The following CCDC85C variants were observed in gnomAD, a reference collection of about 807,000 sequenced individuals.
The protein encoded by CCDC85C is coiled-coil domain-containing protein 85C.
CCDC85C carries 18 observed loss-of-function variants against 38.3 expected under a neutral mutation model. The ratio of observed to expected loss-of-function variants is 0.47; its 90% CI spans 0.33 to 0.70. The LOEUF is 0.70. Ranked by LOEUF, CCDC85C falls within the 30% of genes least tolerant of loss-of-function variation. The probability of loss-of-function intolerance (pLI) is 0.03; values close to 1 mark genes in which losing one functional copy is unlikely to be tolerated. For synonymous variants in CCDC85C, 264 were observed against 293.8 expected (o/e 0.90, Z 1.04); for missense variants, 566 against 621.2 (o/e 0.91, Z 0.94).
chr14:99,516,175 CT>C lies in CCDC85C; in HGVS notation c.1170+12del. The stretch of plus-strand genomic sequence containing the variant: ...AGTGCCAAGCCTCTGCCCCCCACCC[CT>C]GGAAGCCTCACGTTGCACATCTCGC... On this transcript the variant is annotated intron_variant, in intron 5 of 5. Coordinates refer to ENST00000380243, the MANE Select transcript of CCDC85C (RefSeq NM_001144995.2). The surrounding 1 kb of genome is among the most constrained non-coding windows in gnomAD (Gnocchi z 5.5). 6.5e-7 allele frequency: 1 copy of C among 1,549,488 alleles called. No individual in the cohort carries two copies. The highest frequency in any genetic ancestry group is 1.2e-5 in the South Asian group (1 of 84,038).
chr14:99,564,744 A>T (rs1002810789), intron 1 of CCDC85C, among the ~76,000 whole-genome samples: 25 of 152,176 alleles, frequency 1.6e-4, no homozygotes, highest in Non-Finnish European at 1.8e-4. Flanking sequence ...CAACAGCAGG[A>T]ACAACATCCA....
chr14:99,594,267 C>T (rs961898266), intron 1 of CCDC85C, among the ~76,000 whole-genome samples: 1 of 152,204 alleles, frequency 6.6e-6, no homozygotes, highest in African/African-American at 2.4e-5. Flanking sequence ...CCCAGCAAAC[C>T]TGCACCAGGA....
chr14:99,578,798 G>A (rs1040333374), intron 1 of CCDC85C, among the ~76,000 whole-genome samples: 1 of 152,164 alleles, frequency 6.6e-6, no homozygotes, highest in Non-Finnish European at 1.5e-5. Flanking sequence ...CCCCTTCCAA[G>A]ACCGGAGCTG....
At position 99,588,032 on chromosome 14, in the gene CCDC85C, G is replaced by C. The variant is rs80080540; in HGVS notation, c.793+15135C>G. Among the ~76,000 whole-genome samples the C allele has an allele frequency of 0.22, 33,182 of 152,066 alleles. 4,069 individuals are homozygous for C. The highest frequency in any genetic ancestry group is 0.34 in the East Asian group (1,723 of 5,128). On this transcript the variant is annotated intron_variant, in intron 1 of 5. Coordinates refer to ENST00000380243, the MANE Select transcript of CCDC85C (RefSeq NM_001144995.2). The surrounding 1 kb of genome is among the most constrained non-coding windows in gnomAD (Gnocchi z 5.0). ...CCTTCCAGCTCGCCTGTGCCTGCCA[G>C]CCCTCACTTGAATCCCCTTCCACAC... is the stretch of plus-strand genomic sequence containing the variant.
chr14:99,582,683 G>A (rs560442251), intron 1 of CCDC85C, among the ~76,000 whole-genome samples: 28 of 152,196 alleles, frequency 1.8e-4, no homozygotes, highest in African/African-American at 4.8e-4. Flanking sequence ...GTGTGGTGGC[G>A]CACGCCTGTA....
In CCDC85C at chr14:99,504,132, A is replaced by G. The variant is rs1213372859; in HGVS notation, c.*11114T>C. On this transcript the variant is annotated 3_prime_UTR_variant, in exon 6 of 6. Transcript: ENST00000380243. ...GGTGCTGTCACATGTCTAGAACCCAAAGTTAGTTCATGTCAATATTGGAAA... is the reference window on the plus strand; with the variant it reads ...GGTGCTGTCACATGTCTAGAACCCAGAGTTAGTTCATGTCAATATTGGAAA... 6.4e-6 allele frequency: 2 copies of G among 314,290 alleles called. No individual in the cohort carries two copies. The highest frequency in any genetic ancestry group is 2.3e-5 in the African/African-American group (1 of 43,884). The allele number at this position is 314,290 out of a possible 1,614,324, so 19.5% of individuals were successfully genotyped here. A position where few individuals can be genotyped will look rare whatever the true frequency, so the allele number is the denominator to read the frequency against.
intron 1 of CCDC85C, among the ~76,000 whole-genome samples, chr14:99,591,607 C>T (rs533411259): frequency 2.8e-4 from 43 of 152,250 alleles, no homozygotes; most frequent in Non-Finnish European, 4.6e-4. Flanking sequence ...GCCTTCTGCA[C>T]AGCAAGTGGT....
chr14:99,518,194 G>A (rs567654114), intron 3 of CCDC85C, among the ~76,000 whole-genome samples: 15 of 152,190 alleles, frequency 9.9e-5, no homozygotes, highest in African/African-American at 3.4e-4. Context: ...TGGGTTCTGC[G>A]ACCCTCAGGA....
In CCDC85C at chr14:99,544,951, G is replaced by A. The variant is rs1358880162; in HGVS notation, c.794-8863C>T. ...ATGCAAAAACGGAGCTGCCATGACC[G>A]GAGCCCCACACTCTCCATCTCACAC... is the stretch of plus-strand genomic sequence containing the variant. On this transcript the variant is annotated intron_variant, in intron 1 of 5. Transcript: ENST00000380243. This position sits in a 1 kb window ranked among gnomAD's most constrained non-coding sequence, Gnocchi z 5.3. Among the ~76,000 whole-genome samples the A allele has an allele frequency of 1.3e-5, 2 of 152,066 alleles. No homozygotes were observed. The highest frequency in any genetic ancestry group is 2.9e-5 in the Non-Finnish European group (2 of 68,022).
chr14:99,580,273 T>C (rs1233649863), intron 1 of CCDC85C: 1 of 384,126 alleles, frequency 2.6e-6, no homozygotes, highest in African/African-American at 2.1e-5. Context: ...AGCTAAGATA[T>C]AGTGCTGTCC....
rs988494564 is a variant in CCDC85C at position 99,533,842 on chromosome 14, CG to C, written c.867+2172del. Among the ~76,000 whole-genome samples the C allele has an allele frequency of 5.9e-5, 9 of 152,268 alleles. No individual in the cohort carries two copies. Among genetic ancestry groups the C allele is most frequent in the Admixed American group, 2.6e-4 (4 of 15,294 alleles). On this transcript the variant is annotated intron_variant, in intron 2 of 5. Coordinates refer to ENST00000380243, the MANE Select transcript of CCDC85C (RefSeq NM_001144995.2). The surrounding 1 kb of genome is among the most constrained non-coding windows in gnomAD (Gnocchi z 4.2). The stretch of plus-strand genomic sequence containing the variant: ...TATGGTGGAGGGCCCCCTGTGAGAC[CG>C]GGGGGCACCCCAGGAAGGAAGGCAG...
At chr14:99,541,060 GA>G (rs148183437) in intron 1 of CCDC85C, among the ~76,000 whole-genome samples, 2,236 of 152,266 alleles carry the variant, frequency 0.015, 62 homozygotes, top group African/African-American at 0.051. Context: ...GCTGTGTCCA[GA>G]ACAGTAAGAA....
rs1200056413 is a variant in CCDC85C at position 99,603,826 on chromosome 14, A to G, written c.134T>C (p.Leu45Pro). Reference sequence around the variant, plus strand: ...CATCAGGCCGCCGTGCTCCAGCATGAGGCCCACCTTCTCGCCCTCGGCGCG... The same window carrying G: ...CATCAGGCCGCCGTGCTCCAGCATGGGGCCCACCTTCTCGCCCTCGGCGCG... ...LRRAEGEKVG[L>P]MLEHGGLMRD... is the part of the protein sequence containing the mutation. The change falls in exon 1 of 6, where the codon CTC (leucine) becomes CCC (proline). Residue 45 changes from leucine to proline, a missense_variant. Leu to Pro is a moderately conservative substitution (Grantham distance 98). This residue lies in a region of CCDC85C where 269 missense variants were observed against 308.2 expected (regional missense o/e 0.87). Transcript: ENST00000380243. The surrounding 1 kb of genome is among the most constrained non-coding windows in gnomAD (Gnocchi z 7.5). 2 of 1,522,706 alleles carry G rather than the reference A, an allele frequency of 1.3e-6. No homozygotes were observed. Among genetic ancestry groups the G allele is most frequent in the Non-Finnish European group, 1.8e-6 (2 of 1,141,362 alleles). The allele number at this position is 1,522,706 out of a possible 1,614,324, so 94.3% of individuals were successfully genotyped here.
intron 1 of CCDC85C, among the ~76,000 whole-genome samples, chr14:99,571,345 G>GTAA (rs3070433): frequency 0.3 from 45,121 of 149,740 alleles, 7,055 homozygotes; most frequent in East Asian, 0.54. Flanking sequence ...AGTAGTAGTA[G>GTAA]TAATAATAAT....
chr14:99,595,743 G>A (rs955166229), intron 1 of CCDC85C, among the ~76,000 whole-genome samples: 34 of 152,348 alleles, frequency 2.2e-4, no homozygotes, highest in African/African-American at 7.7e-4. Flanking sequence ...GGGTTCAACT[G>A]GACGGGAGTC....
In CCDC85C at chr14:99,500,700, C is replaced by T; in HGVS notation, c.*14546G>A. ...GAGAATAAATAGACAGGAAAGCTCA[C>T]TTTTGTAATGCTGCTTGAGACCTGC... On this transcript the variant is annotated 3_prime_UTR_variant, in exon 6 of 6. Coordinates refer to ENST00000380243, the MANE Select transcript of CCDC85C (RefSeq NM_001144995.2). 1 of 1,060,932 alleles carries T rather than the reference C, an allele frequency of 9.4e-7. No homozygotes were observed. Among genetic ancestry groups the T allele is most frequent in the Non-Finnish European group, 1.4e-6 (1 of 702,872 alleles). The allele number at this position is 1,060,932 out of a possible 1,614,324, so 65.7% of individuals were successfully genotyped here.
At position 99,503,261 on chromosome 14, in the gene CCDC85C, C is replaced by T. The variant is rs181595733; in HGVS notation, c.*11985G>A. The T allele has an allele frequency of 1.5e-4, 97 of 638,434 alleles. No individual in the cohort carries two copies. The highest frequency in any genetic ancestry group is 1.5e-3 in the African/African-American group (83 of 55,544). The allele number at this position is 638,434 out of a possible 1,614,324, so 39.5% of individuals were successfully genotyped here. On this transcript the variant is annotated 3_prime_UTR_variant, in exon 6 of 6. Coordinates refer to ENST00000380243, the MANE Select transcript of CCDC85C (RefSeq NM_001144995.2). ...TTCTGAAGCCTGTCGGTGTCGTTGC[C>T]GTGTCCTAGCAGTGTCGTTGTGCAT...
Position 99,503,873 on chromosome 14 carries a change from A to G in CCDC85C, c.*11373T>C, listed in dbSNP as rs1302885960. The G allele has an allele frequency of 5.5e-6, 3 of 549,354 alleles. No homozygotes were observed. Among genetic ancestry groups the G allele is most frequent in the African/African-American group, 3.8e-5 (2 of 52,324 alleles). The allele number at this position is 549,354 out of a possible 1,614,324, so 34.0% of individuals were successfully genotyped here. A position where few individuals can be genotyped will look rare whatever the true frequency, so the allele number is the denominator to read the frequency against. On this transcript the variant is annotated 3_prime_UTR_variant, in exon 6 of 6. Transcript: ENST00000380243. The stretch of plus-strand genomic sequence containing the variant: ...ACAGAAAACATTACTGGCAATAAAA[A>G]TGTACTCAGTAACATATATAAAAGT...
chr14:99,563,742 A>G (rs537552787), intron 1 of CCDC85C, among the ~76,000 whole-genome samples: 5 of 152,298 alleles, frequency 3.3e-5, no homozygotes, highest in African/African-American at 1.2e-4. Context: ...TCCATGTGCC[A>G]GCATCCCTTG....
Sources: allele counts gnomAD v4.1 joint callset (sites outside exome capture counted in the v4.1 genomes callset), GRCh38; gene constraint gnomAD v4.1.1; regional missense constraint gnomAD v4.1.1; non-coding constraint Gnocchi (gnomAD v3.1); transcripts MANE v1.5; gene names NCBI Gene and HGNC (gene_info 2026-07-23, HGNC 2026-07-21).